DIPK1A: variants seen among roughly 807,000 people sequenced by gnomAD.
The protein encoded by DIPK1A is divergent protein kinase domain 1A.
In DIPK1A, 27 loss-of-function variants were observed where a neutral mutation model predicts 40.8. The observed-to-expected ratio is 0.66, with a 90% confidence interval of 0.49 to 0.91. The LOEUF is 0.91. Among genes scored for constraint, DIPK1A ranks in the 40% least tolerant of loss-of-function variants. The probability of loss-of-function intolerance (pLI) is 0.00; values close to 1 mark genes in which losing one functional copy is unlikely to be tolerated. For missense variants in DIPK1A, 412 were observed against 505.7 expected (o/e 0.81, Z 1.78); for synonymous variants, 166 against 171.3 (o/e 0.97, Z 0.24).
intron 1 of DIPK1A, among the ~76,000 whole-genome samples, chr1:92,925,754 A>G (rs554153892): frequency 6.6e-6 from 1 of 152,252 alleles, no homozygotes; most frequent in East Asian, 1.9e-4. Flanking sequence ...TCAGCCTCCC[A>G]AAGTGTTGGG....
chr1:92,914,912 C>T (rs904186476), intron 1 of DIPK1A, among the ~76,000 whole-genome samples: 19 of 151,652 alleles, frequency 1.3e-4, no homozygotes, highest in African/African-American at 4.6e-4. Context: ...CTGGTGAAAC[C>T]CCATCTCTAC....
At chr1:92,942,357 C>T (rs1366533116) in intron 1 of DIPK1A, among the ~76,000 whole-genome samples, 1 of 152,072 alleles carries the variant, frequency 6.6e-6, no homozygotes, top group Admixed American at 6.6e-5. Flanking sequence ...TTAAGCAATT[C>T]ATTACATTAA....
intron 1 of DIPK1A, among the ~76,000 whole-genome samples, chr1:92,883,319 G>C (rs1349203862): frequency 6.6e-6 from 1 of 152,158 alleles, no homozygotes; most frequent in Admixed American, 6.6e-5. Context: ...TGCAATTGCA[G>C]GTAAAAAGAA....
chr1:92,900,854 T>A (rs1649385298), intron 1 of DIPK1A, among the ~76,000 whole-genome samples: 1 of 152,104 alleles, frequency 6.6e-6, no homozygotes, highest in Non-Finnish European at 1.5e-5. Flanking sequence ...TTTCCTTGCT[T>A]TTCTTCAGCT....
intron 1 of DIPK1A, among the ~76,000 whole-genome samples, chr1:92,888,516 C>T (rs916871657): frequency 1.3e-5 from 2 of 152,164 alleles, no homozygotes; most frequent in African/African-American, 4.8e-5. Context: ...ACTTCTTCAA[C>T]ATACTGATTA....
chr1:92,849,231 C>T (rs1453837469), intron 3 of DIPK1A, among the ~76,000 whole-genome samples: 1 of 152,180 alleles, frequency 6.6e-6, no homozygotes, highest in African/African-American at 2.4e-5. Context: ...ACAGAACACA[C>T]CATATTCTAC....
intron 1 of DIPK1A, among the ~76,000 whole-genome samples, chr1:92,891,039 T>C (rs561483927): frequency 5.1e-4 from 78 of 152,272 alleles, no homozygotes; most frequent in Non-Finnish European, 9.0e-4. Context: ...CTTGGTTCAA[T>C]CTTGGTAGAA....
intron 3 of DIPK1A, among the ~76,000 whole-genome samples, chr1:92,849,392 G>T: frequency 6.6e-6 from 1 of 150,932 alleles, no homozygotes; most frequent in African/African-American, 2.5e-5. Flanking sequence ...CTGTCACCCA[G>T]GCTGGAGTGC....
intron 1 of DIPK1A, among the ~76,000 whole-genome samples, chr1:92,941,439 G>T (rs1651146378): frequency 1.3e-5 from 2 of 152,226 alleles, no homozygotes; most frequent in South Asian, 4.1e-4. Flanking sequence ...ACTCTATCAG[G>T]CCTTCTTTCA....
chr1:92,870,564 C>A (rs1647794506), intron 2 of DIPK1A, among the ~76,000 whole-genome samples: 1 of 152,200 alleles, frequency 6.6e-6, no homozygotes, highest in Admixed American at 6.5e-5. Context: ...CAATCTTTGT[C>A]TTTCAACTAA....
intron 2 of DIPK1A, among the ~76,000 whole-genome samples, chr1:92,863,571 CAA>C (rs10650458): frequency 5.9e-4 from 60 of 101,066 alleles, no homozygotes; most frequent in Admixed American, 1.4e-3. Flanking sequence ...CTGTCTCTAC[CAA>C]AAAAAAAAAA....
At position 92,844,042 on chromosome 1, in the gene DIPK1A, G is replaced by T; in HGVS notation, c.628C>A (p.Gln210Lys). The change falls in exon 5 of 5, where the codon CAA (glutamine) becomes AAA (lysine). Residue 210 changes from glutamine (Q) to lysine (K), a missense_variant. Physicochemically the swap from Gln to Lys is moderately conservative, Grantham distance 53 (BLOSUM62 1). Transcript: ENST00000370310. ...LNEFLLMVILQDKEHTPKLMG... is the reference protein window; with the variant it reads ...LNEFLLMVILKDKEHTPKLMG... ...AATTTGGGGGTATGTTCTTTATCTT[G>T]AAGTATCACCATGAGAAGAAATTCA... The T allele has an allele frequency of 6.4e-7, 1 of 1,552,086 alleles. No individual in the cohort carries two copies. The highest frequency in any genetic ancestry group is 8.7e-7 in the Non-Finnish European group (1 of 1,147,072).
intron 1 of DIPK1A, among the ~76,000 whole-genome samples, chr1:92,901,791 A>G (rs1199332141): frequency 4.6e-5 from 7 of 152,110 alleles, no homozygotes; most frequent in Non-Finnish European, 1.0e-4. Context: ...ATGCACAGCA[A>G]TGACTATATA....
At position 92,835,026 on chromosome 1, in the gene DIPK1A, T is replaced by C. The variant is rs1687063019; in HGVS notation, c.475-1992A>G. On this transcript the variant is annotated intron_variant, in intron 4 of 4. Transcript: ENST00000615519. Reference sequence around the variant, plus strand: ...CTTAAGTTGTGCTTCAGGAGAGTGCTTGCTTCCAGTTTTCTGCTTTGTTAA... The same window carrying C: ...CTTAAGTTGTGCTTCAGGAGAGTGCCTGCTTCCAGTTTTCTGCTTTGTTAA... The C allele has an allele frequency of 6.1e-6, 9 of 1,470,042 alleles. No individual in the cohort carries two copies. In the South Asian group the frequency reaches 1.0e-4, roughly 17 times the overall value. 91.1% of individuals were successfully genotyped at this position (1,470,042 alleles called of 1,614,324 possible). A position where few individuals can be genotyped will look rare whatever the true frequency, so the allele number is the denominator to read the frequency against.
At chr1:92,944,112 AAAAGG>A (rs2100897082) in intron 1 of DIPK1A, among the ~76,000 whole-genome samples, 1 of 152,266 alleles carries the variant, frequency 6.6e-6, no homozygotes, top group African/African-American at 2.4e-5. Context: ...AAGTGGTTAG[AAAAGG>A]AAAGAAAATC....
chr1:92,909,401 A>G (rs1649744765), intron 1 of DIPK1A, among the ~76,000 whole-genome samples: 1 of 152,154 alleles, frequency 6.6e-6, no homozygotes, highest in South Asian at 2.1e-4. Context: ...ATAAAAGCCA[A>G]ACGGGTCCAG....
At chr1:92,846,841 A>ATGTG (rs796637155) in intron 4 of DIPK1A, among the ~76,000 whole-genome samples, 1 of 2,062 alleles carries the variant, frequency 4.8e-4, no homozygotes, top group African/African-American at 3.6e-3. Flanking sequence ...ATATATATAT[A>ATGTG]TGTGTGTATA....
At chr1:92,915,363 T>C (rs1166077003) in intron 1 of DIPK1A, among the ~76,000 whole-genome samples, 1 of 152,040 alleles carries the variant, frequency 6.6e-6, no homozygotes, top group African/African-American at 2.4e-5. Context: ...TTGAAGAAAA[T>C]GGAGGAAATT....
At chr1:92,862,202 G>A (rs140091154) in intron 2 of DIPK1A, among the ~76,000 whole-genome samples, 18 of 152,134 alleles carry the variant, frequency 1.2e-4, no homozygotes, top group African/African-American at 3.4e-4. Context: ...GGCCTTTTTC[G>A]TGAATTAAAT....
Sources: allele counts gnomAD v4.1 joint callset (sites outside exome capture counted in the v4.1 genomes callset), GRCh38; gene constraint gnomAD v4.1.1; transcripts MANE v1.5; gene names NCBI Gene and HGNC (gene_info 2026-07-23, HGNC 2026-07-21).